Variants in ATG7 observed in about 807,000 individuals in gnomAD.
ATG7 encodes the protein autophagy related 7.
A neutral mutation model predicts 82.4 loss-of-function variants in ATG7; 70 were observed. The observed-to-expected ratio is 0.85, with a 90% CI of 0.70 to 1.04. ATG7 has a LOEUF of 1.04. Ranked by LOEUF, ATG7 falls within the 50% of genes least tolerant of loss-of-function variation. ATG7 has a pLI of 0.00. For synonymous variants in ATG7, 287 were observed against 313.0 expected (o/e 0.92, Z 0.88); for missense variants, 792 against 864.3 (o/e 0.92, Z 1.05).
intron 20 of ATG7, among the ~76,000 whole-genome samples, chr3:11,537,071 G>C (rs920399448): frequency 6.6e-6 from 1 of 152,004 alleles, no homozygotes; most frequent in Non-Finnish European, 1.5e-5. Flanking sequence ...CCATCCCTCT[G>C]CACAGGGCCT....
At position 11,439,229 on chromosome 3, in the gene ATG7, C is replaced by T. The variant is rs540877551; in HGVS notation, c.2079+12303C>T. On this transcript the variant is annotated intron_variant, in intron 20 of 20. Coordinates refer to ENST00000693202, the MANE Select transcript of ATG7 (RefSeq NM_001349232.2). ...GACTACAGGCGCCCACCACCACGCC[C>T]GGCTATTTTTTGTAGTTTTAGTAGG... Among the ~76,000 whole-genome samples the T allele has an allele frequency of 2.4e-4, 37 of 151,868 alleles. No individual in the cohort carries two copies. The East Asian group carries it at 4.3e-3, about 18-fold the overall frequency.
At chr3:11,403,895 T>C (rs1216196380) in intron 19 of ATG7, among the ~76,000 whole-genome samples, 1 of 152,328 alleles carries the variant, frequency 6.6e-6, no homozygotes, top group East Asian at 1.9e-4. Flanking sequence ...CAGGTTCTCT[T>C]AAATCTTTGA....
chr3:11,432,980 C>T (rs1382294972), intron 20 of ATG7, among the ~76,000 whole-genome samples: 1 of 151,998 alleles, frequency 6.6e-6, no homozygotes, highest in East Asian at 1.9e-4. Flanking sequence ...TTGAGGTTCT[C>T]CCCAAGTATC....
Position 11,418,013 on chromosome 3 carries a change from GT to G in ATG7, c.1957-8790del, listed in dbSNP as rs2081551452. Among the ~76,000 whole-genome samples the G allele has an allele frequency of 3.3e-5, 5 of 150,836 alleles. No individual in the cohort carries two copies. The South Asian group carries it at 1.0e-3, about 32-fold the overall frequency. On this transcript the variant is annotated intron_variant, in intron 19 of 20. Coordinates refer to ENST00000693202, the MANE Select transcript of ATG7 (RefSeq NM_001349232.2). The stretch of plus-strand genomic sequence containing the variant: ...TTTTAGTAGAGACGGGGGTTTCACT[GT>G]GTTAGCCAGGATGGTCTCGATCTCC...
At chr3:11,516,923 A>T (rs574145778) in intron 20 of ATG7, among the ~76,000 whole-genome samples, 1 of 152,172 alleles carries the variant, frequency 6.6e-6, no homozygotes, top group South Asian at 2.1e-4. Flanking sequence ...TCTGTACTAA[A>T]AATCCACAAA....
intron 20 of ATG7, among the ~76,000 whole-genome samples, chr3:11,471,183 G>A (rs542157077): frequency 1.3e-5 from 2 of 152,258 alleles, no homozygotes; most frequent in Admixed American, 1.3e-4. Context: ...AGGCTGGCTA[G>A]CCTTTGCTTC....
intron 20 of ATG7, among the ~76,000 whole-genome samples, chr3:11,449,642 A>G (rs773578605): frequency 5.9e-5 from 9 of 152,224 alleles, no homozygotes; most frequent in Non-Finnish European, 8.8e-5. Flanking sequence ...AACGCTTGGC[A>G]TAAATCTAAC....
chr3:11,490,449 T>C (rs1191689171), intron 20 of ATG7, among the ~76,000 whole-genome samples: 1 of 152,230 alleles, frequency 6.6e-6, no homozygotes, highest in Non-Finnish European at 1.5e-5. Context: ...TGTCTTTTAA[T>C]TGGAGCATTT....
intron 11 of ATG7, among the ~76,000 whole-genome samples, chr3:11,335,460 C>A (rs1304223203): frequency 6.6e-6 from 1 of 152,120 alleles, no homozygotes. Flanking sequence ...TCAAAGCTGT[C>A]CTGGGCCATG....
chr3:11,404,980 T>A (rs2080194683), intron 19 of ATG7, among the ~76,000 whole-genome samples: 1 of 152,150 alleles, frequency 6.6e-6, no homozygotes, highest in African/African-American at 2.4e-5. Flanking sequence ...ATATCACATA[T>A]TTTCTAGATT....
intron 9 of ATG7, among the ~76,000 whole-genome samples, chr3:11,327,209 A>T (rs1430917335): frequency 6.6e-6 from 1 of 152,244 alleles, no homozygotes; most frequent in Non-Finnish European, 1.5e-5. Context: ...TTGCCTTCAC[A>T]GAGAGTTATA....
At chr3:11,568,672 C>G in the ATG7 span, 4 of 1,555,932 alleles carry the variant, frequency 2.6e-6, no homozygotes, top group Non-Finnish European at 3.5e-6. This position sits in a 1 kb window ranked among gnomAD's most constrained non-coding sequence, Gnocchi z 5.9. Context: ...CCCGCTCGCC[C>G]GGATGAATCA....
At chr3:11,399,777 T>C (rs1325054426) in intron 19 of ATG7, among the ~76,000 whole-genome samples, 2 of 152,200 alleles carry the variant, frequency 1.3e-5, no homozygotes, top group Admixed American at 6.5e-5. Context: ...CTTCACCATG[T>C]TGGTCAGGCT....
In ATG7 at chr3:11,497,866, T is replaced by C. The variant is rs117726372; in HGVS notation, c.2080-56945T>C. 5.9e-4 allele frequency among the ~76,000 whole-genome samples: 90 copies of C among 152,272 alleles called. 1 individual carries two copies. The East Asian group carries it at 0.016, about 28-fold the overall frequency. On this transcript the variant is annotated intron_variant, in intron 20 of 20. Transcript: ENST00000693202. ...ATTTTAATAATATAGAGCCCTTTGT[T>C]GACATAAATGGTTCACGAAAGTTGA...
At chr3:11,415,948 C>G (rs2081339214) in intron 19 of ATG7, among the ~76,000 whole-genome samples, 1 of 152,142 alleles carries the variant, frequency 6.6e-6, no homozygotes. Context: ...TCACCACAAA[C>G]ATGGAAGTAA....
At position 11,459,173 on chromosome 3, in the gene ATG7, TA is replaced by T. The variant is rs10658469; in HGVS notation, c.2079+32263del. Among the ~76,000 whole-genome samples, 318 of 141,728 alleles carry T rather than the reference TA, an allele frequency of 2.2e-3. 1 individual carries two copies. Among genetic ancestry groups the T allele is most frequent in the African/African-American group, 7.2e-3 (277 of 38,326 alleles). 93.0% of individuals were successfully genotyped at this position (141,728 alleles called of 152,430 possible). ...CTAAAGTGAGGAGGGGGAGTCACTT[TA>T]AAAAAAAAAAAAAAACAGCAAAAAC... On this transcript the variant is annotated intron_variant, in intron 20 of 20. Transcript: ENST00000693202.
chr3:11,574,785 A>ATGTGTGTGTG, the ATG7 span, among the ~76,000 whole-genome samples: 2,084 of 121,702 alleles, frequency 0.017, 60 homozygotes, highest in East Asian at 0.065. Flanking sequence ...TCAACTATAT[A>ATGTGTGTGTG]TGTGTGTGTG....
chr3:11,407,280 C>T (rs2080433790), intron 19 of ATG7, among the ~76,000 whole-genome samples: 1 of 152,208 alleles, frequency 6.6e-6, no homozygotes, highest in South Asian at 2.1e-4. Context: ...ACATCCAGGT[C>T]ATGCTGATGC....
At chr3:11,466,295 C>G (rs758969323) in intron 20 of ATG7, among the ~76,000 whole-genome samples, 5 of 152,202 alleles carry the variant, frequency 3.3e-5, no homozygotes, top group Admixed American at 2.6e-4. Context: ...TGTTTTTCCC[C>G]TCTTAATTTT....
Sources: allele counts gnomAD v4.1 joint callset (sites outside exome capture counted in the v4.1 genomes callset), GRCh38; gene constraint gnomAD v4.1.1; non-coding constraint Gnocchi (gnomAD v3.1); transcripts MANE v1.5; gene names NCBI Gene and HGNC (gene_info 2026-07-23, HGNC 2026-07-21).